The following FAF1 variants were observed in gnomAD, a reference collection of about 807,000 sequenced individuals.
The protein encoded by FAF1 is FAS-associated factor 1.
In FAF1, 25 loss-of-function variants were observed where a neutral mutation model predicts 92.5. That is an observed-to-expected ratio of 0.27 (90% CI 0.20 to 0.38). FAF1 has a LOEUF of 0.38. FAF1 is among the 10% of genes least tolerant of loss of function. The probability of loss-of-function intolerance (pLI) is 1.00; values close to 1 mark genes in which losing one functional copy is unlikely to be tolerated. For missense variants in FAF1, 636 were observed against 793.3 expected, an observed-to-expected ratio of 0.80 and a Z score of 2.38; for synonymous variants, 234 against 273.2, an observed-to-expected ratio of 0.86 and a Z score of 1.42.
At chr1:50,917,708 G>C (rs1644931357) in intron 1 of FAF1, among the ~76,000 whole-genome samples, 1 of 149,610 alleles carries the variant, frequency 6.7e-6, no homozygotes, top group African/African-American at 2.5e-5. Flanking sequence ...GGAAAAGAAA[G>C]AAAACCAACA....
chr1:50,746,261 TA>T (rs1659586916), intron 4 of FAF1, among the ~76,000 whole-genome samples: 1 of 21,518 alleles, frequency 4.6e-5, no homozygotes, highest in South Asian at 3.0e-3. Context: ...TATATATATA[TA>T]TATATATATA....
chr1:50,463,149 T>G (rs1403517928), intron 18 of FAF1, among the ~76,000 whole-genome samples: 1 of 152,208 alleles, frequency 6.6e-6, no homozygotes, highest in African/African-American at 2.4e-5. Flanking sequence ...AGAGTATACC[T>G]ATGTGTTCAG....
At chr1:50,460,111 T>C (rs1377685721) in intron 18 of FAF1, among the ~76,000 whole-genome samples, 2 of 152,238 alleles carry the variant, frequency 1.3e-5, no homozygotes, top group African/African-American at 4.8e-5. Context: ...AAATATCTGT[T>C]GGATTAATGC....
intron 2 of FAF1, among the ~76,000 whole-genome samples, chr1:50,807,324 A>T (rs1371654600): frequency 2.0e-5 from 3 of 152,260 alleles, no homozygotes; most frequent in Non-Finnish European, 4.4e-5. Context: ...TAATTGACTC[A>T]CAGTTCCACA....
chr1:50,512,502 C>T (rs1404967472), intron 15 of FAF1, among the ~76,000 whole-genome samples: 1 of 152,074 alleles, frequency 6.6e-6, no homozygotes, highest in Non-Finnish European at 1.5e-5. Context: ...ATCCTTTCCC[C>T]TTGCTTGTTT....
At chr1:50,468,272 T>C (rs1646524514) in intron 18 of FAF1, among the ~76,000 whole-genome samples, 1 of 152,068 alleles carries the variant, frequency 6.6e-6, no homozygotes, top group African/African-American at 2.4e-5. Flanking sequence ...ATAAAATTAT[T>C]ATATGACAAT....
chr1:50,863,644 G>A (rs1644454265), intron 1 of FAF1, among the ~76,000 whole-genome samples: 1 of 152,060 alleles, frequency 6.6e-6, no homozygotes, highest in South Asian at 2.1e-4. Flanking sequence ...GTTCATCAAG[G>A]ATATTGGTCT....
At chr1:50,897,726 T>C (rs1331390017) in intron 1 of FAF1, among the ~76,000 whole-genome samples, 1 of 152,204 alleles carries the variant, frequency 6.6e-6, no homozygotes, top group Non-Finnish European at 1.5e-5. Context: ...TTCAACTCTA[T>C]AGTCCCTCCT....
intron 7 of FAF1, among the ~76,000 whole-genome samples, chr1:50,688,799 C>T (rs939279494): frequency 6.6e-5 from 10 of 151,426 alleles, no homozygotes; most frequent in African/African-American, 9.7e-5. Flanking sequence ...GCAACAAGAG[C>T]GAAACTCTAT....
chr1:50,773,113 TA>T (rs1660829314), intron 4 of FAF1, among the ~76,000 whole-genome samples: 2 of 152,076 alleles, frequency 1.3e-5, no homozygotes, highest in South Asian at 4.1e-4. Context: ...CACCTACAAT[TA>T]AAAAAGGATT....
At chr1:50,916,375 C>T (rs544725197) in intron 1 of FAF1, among the ~76,000 whole-genome samples, 38 of 152,198 alleles carry the variant, frequency 2.5e-4, no homozygotes, top group Non-Finnish European at 5.0e-4. Context: ...GACCCCAATA[C>T]CTGGGCTTTT....
intron 15 of FAF1, among the ~76,000 whole-genome samples, chr1:50,505,307 G>A (rs1572792267): frequency 6.6e-6 from 1 of 152,132 alleles, no homozygotes; most frequent in East Asian, 1.9e-4. Context: ...ACAGGAACAT[G>A]TTCACTGAGA....
Position 50,838,949 on chromosome 1 carries a change from C to T in FAF1, c.114+18980G>A, listed in dbSNP as rs530278173. Among the ~76,000 whole-genome samples the T allele has an allele frequency of 5.3e-5, 8 of 152,128 alleles. No individual in the cohort carries two copies. The South Asian group carries it at 1.4e-3, about 28-fold the overall frequency. On this transcript the variant is annotated intron_variant, in intron 2 of 18. Coordinates refer to ENST00000396153, the MANE Select transcript of FAF1 (RefSeq NM_007051.3). ...AGTATTCACTACCAAATTATAAACC[C>T]CTAAGATCAATGTTTGTGACAAAAA...
chr1:50,676,938 A>C (rs572488388), intron 7 of FAF1, among the ~76,000 whole-genome samples: 1 of 152,298 alleles, frequency 6.6e-6, no homozygotes, highest in East Asian at 1.9e-4. Context: ...ATTCTATTCC[A>C]ACTGTGATAT....
chr1:50,795,195 A>G (rs982854210), intron 3 of FAF1, among the ~76,000 whole-genome samples: 4 of 152,148 alleles, frequency 2.6e-5, no homozygotes, highest in African/African-American at 9.7e-5. Context: ...AATGACACAG[A>G]CTAATATTGA....
intron 18 of FAF1, among the ~76,000 whole-genome samples, chr1:50,466,276 G>T (rs113618923): frequency 1.0e-3 from 159 of 152,268 alleles, no homozygotes; most frequent in African/African-American, 3.6e-3. Context: ...TAACAGTAAG[G>T]TTTCTTGCCT....
intron 6 of FAF1, among the ~76,000 whole-genome samples, chr1:50,722,036 T>C (rs1658430998): frequency 6.6e-6 from 1 of 152,140 alleles, no homozygotes; most frequent in Non-Finnish European, 1.5e-5. Flanking sequence ...TTGTAGCAAA[T>C]TATTTGGAGA....
At chr1:50,673,988 T>C (rs897179256) in intron 7 of FAF1, among the ~76,000 whole-genome samples, 1 of 151,814 alleles carries the variant, frequency 6.6e-6, no homozygotes, top group Non-Finnish European at 1.5e-5. Flanking sequence ...TCTTGCTCTG[T>C]CACCCAGGCT....
chr1:50,730,376 C>G (rs540615338), intron 6 of FAF1, among the ~76,000 whole-genome samples: 121 of 150,550 alleles, frequency 8.0e-4, no homozygotes, highest in Admixed American at 3.3e-3. Context: ...TTTTTCATAC[C>G]TAGTATTTTG....
Sources: allele counts gnomAD v4.1 joint callset (sites outside exome capture counted in the v4.1 genomes callset), GRCh38; gene constraint gnomAD v4.1.1; transcripts MANE v1.5; gene names NCBI Gene and HGNC (gene_info 2026-07-23, HGNC 2026-07-21).